Variants in SUGCT observed in about 807,000 individuals in gnomAD.
SUGCT encodes the protein succinyl-CoA:glutarate CoA-transferase.
In SUGCT, 41 loss-of-function variants were observed where a neutral mutation model predicts 55.0. That is an observed-to-expected ratio of 0.74 (90% confidence interval 0.58 to 0.97). The LOEUF is 0.97. Ranked by LOEUF, SUGCT falls within the 50% of genes least tolerant of loss-of-function variation. SUGCT has a pLI of 0.00. For synonymous variants in SUGCT, 187 were observed against 200.4 expected, an observed-to-expected ratio of 0.93 and a Z score of 0.56; for missense variants, 568 against 547.8, an observed-to-expected ratio of 1.04 and a Z score of -0.37.
intron 13 of SUGCT, among the ~76,000 whole-genome samples, chr7:40,775,345 A>G (rs988258351): frequency 3.3e-5 from 5 of 152,200 alleles, no homozygotes; most frequent in African/African-American, 1.2e-4. Flanking sequence ...TAGCTTATAC[A>G]TACACAAGGT....
At chr7:40,560,781 A>G (rs539448853) in intron 12 of SUGCT, among the ~76,000 whole-genome samples, 1 of 152,218 alleles carries the variant, frequency 6.6e-6, no homozygotes, top group Non-Finnish European at 1.5e-5. Flanking sequence ...TAGAACTAAG[A>G]AGACTAGGAA....
At chr7:40,474,569 G>A (rs569527447) in intron 11 of SUGCT, among the ~76,000 whole-genome samples, 63 of 152,260 alleles carry the variant, frequency 4.1e-4, no homozygotes, top group Non-Finnish European at 7.2e-4. Context: ...CGTTTGGAAA[G>A]GAAAGCTGTC....
chr7:40,337,012 T>C (rs1377743806), intron 9 of SUGCT, among the ~76,000 whole-genome samples: 1 of 152,220 alleles, frequency 6.6e-6, no homozygotes, highest in Non-Finnish European at 1.5e-5. Context: ...ATGTACCCAG[T>C]AGTTATTCAG....
intron 6 of SUGCT, among the ~76,000 whole-genome samples, chr7:40,201,175 A>G (rs115329812): frequency 0.017 from 2,540 of 152,258 alleles, 69 homozygotes; most frequent in African/African-American, 0.059. Context: ...GGAAAATAAG[A>G]AAGGAAGGAA....
the SUGCT span, among the ~76,000 whole-genome samples, chr7:40,950,363 C>T: frequency 1.6e-4 from 24 of 152,116 alleles, no homozygotes; most frequent in East Asian, 3.9e-4. Flanking sequence ...TGGGCTGAGA[C>T]GATGGGGTTT....
intron 13 of SUGCT, among the ~76,000 whole-genome samples, chr7:40,776,814 C>A (rs1387538955): frequency 6.6e-6 from 1 of 152,172 alleles, no homozygotes; most frequent in Non-Finnish European, 1.5e-5. Flanking sequence ...AGGCTCTTTC[C>A]TACCAAGCTT....
At chr7:40,966,309 G>C in the SUGCT span, 1 of 152,214 alleles carries the variant, frequency 6.6e-6, no homozygotes, top group Non-Finnish European at 1.5e-5. Context: ...GAAGGATTCT[G>C]CATTGATGGA....
chr7:40,206,185 C>G (rs1786964442), intron 6 of SUGCT, among the ~76,000 whole-genome samples: 1 of 152,136 alleles, frequency 6.6e-6, no homozygotes, highest in African/African-American at 2.4e-5. Context: ...ATTGTTTCCC[C>G]TTATGGTAAT....
intron 13 of SUGCT, among the ~76,000 whole-genome samples, chr7:40,811,661 C>G (rs1007820117): frequency 1.3e-4 from 19 of 151,868 alleles, no homozygotes; most frequent in Non-Finnish European, 2.5e-4. Flanking sequence ...GTTTCAGGAG[C>G]CTGTGATGGA....
chr7:40,245,216 G>A (rs1272450211), intron 7 of SUGCT, among the ~76,000 whole-genome samples: 2 of 149,752 alleles, frequency 1.3e-5, no homozygotes, highest in Admixed American at 6.7e-5. Flanking sequence ...CACCATGCCC[G>A]GCTAATTTTT....
chr7:40,601,817 C>G (rs1416536155), intron 12 of SUGCT, among the ~76,000 whole-genome samples: 1 of 151,858 alleles, frequency 6.6e-6, no homozygotes, highest in Non-Finnish European at 1.5e-5. Flanking sequence ...TCAAATGTAG[C>G]CCAGGGAAGC....
the SUGCT span, among the ~76,000 whole-genome samples, chr7:41,007,897 G>A: frequency 1.3e-5 from 2 of 148,940 alleles, no homozygotes; most frequent in African/African-American, 2.5e-5. Context: ...ATTGTGCTAT[G>A]TAGAATCCAC....
chr7:40,243,496 T>A (rs1306563633), intron 7 of SUGCT, among the ~76,000 whole-genome samples: 4 of 152,110 alleles, frequency 2.6e-5, no homozygotes, highest in Non-Finnish European at 5.9e-5. Context: ...GATTGGAAGG[T>A]AAAGCATCTT....
the SUGCT span, among the ~76,000 whole-genome samples, chr7:40,961,588 T>C: frequency 6.6e-6 from 1 of 152,158 alleles, no homozygotes; most frequent in African/African-American, 2.4e-5. Flanking sequence ...GATAGAAGTG[T>C]GTATGGAATT....
chr7:40,362,217 G>A (rs550958700), intron 9 of SUGCT, among the ~76,000 whole-genome samples: 2 of 152,124 alleles, frequency 1.3e-5, no homozygotes, highest in East Asian at 1.9e-4. Flanking sequence ...TCAGGAGTTC[G>A]AGACCAGCCT....
At chr7:40,368,754 T>G (rs903940143) in intron 9 of SUGCT, among the ~76,000 whole-genome samples, 4 of 152,166 alleles carry the variant, frequency 2.6e-5, no homozygotes, top group African/African-American at 9.7e-5. Context: ...GGCTGATTTT[T>G]AGAGTAATAT....
At chr7:40,542,028 C>T (rs1013632849) in intron 12 of SUGCT, among the ~76,000 whole-genome samples, 3 of 152,044 alleles carry the variant, frequency 2.0e-5, no homozygotes, top group African/African-American at 7.2e-5. Flanking sequence ...AGGGTCAGGA[C>T]CAGCAAGTGC....
intron 9 of SUGCT, among the ~76,000 whole-genome samples, chr7:40,431,060 G>A (rs1234047841): frequency 6.9e-6 from 1 of 144,334 alleles, no homozygotes; most frequent in Non-Finnish European, 1.5e-5. Flanking sequence ...GGAGGTTACA[G>A]TAAGCCAAGA....
intron 3 of SUGCT, among the ~76,000 whole-genome samples, chr7:40,184,810 T>TA (rs1239314868): frequency 3.3e-5 from 5 of 152,262 alleles, no homozygotes; most frequent in African/African-American, 1.2e-4. Flanking sequence ...ATCAACTTAG[T>TA]AATTGACCAT....
Sources: gnomAD v4.1 joint callset for allele counts (sites outside exome capture counted in the v4.1 genomes callset) on GRCh38, gnomAD v4.1.1 for gene constraint, MANE v1.5 for transcripts, NCBI Gene and HGNC (gene_info 2026-07-23, HGNC 2026-07-21) for gene names.